The following PML variants were observed in gnomAD, a reference collection of about 807,000 sequenced individuals.
PML encodes protein PML.
In PML, 28 loss-of-function variants were observed where a neutral mutation model predicts 65.2. The ratio of observed to expected loss-of-function variants is 0.43; its 90% CI spans 0.32 to 0.59. PML has a LOEUF of 0.59. Among genes scored for constraint, PML ranks in the 20% least tolerant of loss-of-function variants. The pLI, the probability that PML is intolerant of heterozygous loss-of-function variation, is 0.08. For synonymous variants in PML, 500 were observed against 508.8 expected (o/e 0.98, Z 0.23); for missense variants, 1,021 against 1,203.4 (o/e 0.85, Z 2.24).
intron 4 of PML, among the ~76,000 whole-genome samples, chr15:74,029,946 AAAAG>A (rs1410589083): frequency 1.3e-5 from 2 of 152,196 alleles, no homozygotes; most frequent in South Asian, 4.1e-4. Flanking sequence ...GATTTGGAGA[AAAAG>A]AAAGGAAGGA....
At chr15:74,033,936 T>C (rs1379096007) in intron 6 of PML, 2 of 355,496 alleles carry the variant, frequency 5.6e-6, no homozygotes, top group Non-Finnish European at 1.0e-5. Flanking sequence ...CCCAGAGGAA[T>C]CTGGAACAAG....
At chr15:74,007,672 C>T (rs1262738154) in intron 2 of PML, among the ~76,000 whole-genome samples, 1 of 151,256 alleles carries the variant, frequency 6.6e-6, no homozygotes, top group Non-Finnish European at 1.5e-5. Flanking sequence ...GGGTGTCTGC[C>T]CTGGGGTGGC....
chr15:73,994,761 C>G lies in PML; in HGVS notation c.-52C>G, dbSNP rs553110202. 12 of 1,548,424 alleles carry G rather than the reference C, an allele frequency of 7.7e-6. No individual in the cohort carries two copies. In the East Asian group the frequency reaches 9.8e-5, roughly 13 times the overall value. ...CTGGCTCACGCCTCCCCTTCAGCTTCTCTTCACGCACTCCAAGATCTAAAC... is the reference window on the plus strand; with the variant it reads ...CTGGCTCACGCCTCCCCTTCAGCTTGTCTTCACGCACTCCAAGATCTAAAC... On this transcript the variant is annotated 5_prime_UTR_variant, in exon 1 of 9. Transcript: ENST00000268058.
chr15:74,005,346 C>T (rs550331815), intron 2 of PML, among the ~76,000 whole-genome samples: 5 of 152,214 alleles, frequency 3.3e-5, no homozygotes, highest in East Asian at 1.9e-4. Flanking sequence ...CCACTGCACC[C>T]GGCCCATTTG....
chr15:74,020,843 T>A (rs779702509), intron 2 of PML, among the ~76,000 whole-genome samples: 1 of 152,108 alleles, frequency 6.6e-6, no homozygotes, highest in Non-Finnish European at 1.5e-5. Flanking sequence ...ATCACAACAT[T>A]CCCACCTCTG....
chr15:73,995,404 A>C (rs2069432517), intron 1 of PML, among the ~76,000 whole-genome samples: 1 of 152,228 alleles, frequency 6.6e-6, no homozygotes, highest in South Asian at 2.1e-4. Flanking sequence ...CTCAGACTGA[A>C]GAGGTATCTT....
At chr15:73,998,953 G>A (rs2069635172) in intron 2 of PML, among the ~76,000 whole-genome samples, 1 of 152,158 alleles carries the variant, frequency 6.6e-6, no homozygotes, top group Non-Finnish European at 1.5e-5. Context: ...AGCGCTATCT[G>A]AGAATGTCTG....
intron 2 of PML, among the ~76,000 whole-genome samples, chr15:74,006,461 T>C (rs536575224): frequency 6.7e-5 from 10 of 150,002 alleles, no homozygotes; most frequent in African/African-American, 2.4e-4. Flanking sequence ...GGGTATCACA[T>C]CTAGCATGGG....
intron 6 of PML, chr15:74,033,828 T>C: frequency 1.9e-6 from 1 of 512,942 alleles, no homozygotes; most frequent in East Asian, 3.0e-5. Flanking sequence ...TCCCCAAGTG[T>C]TTCTGCAAAG....
At position 74,003,660 on chromosome 15, in the gene PML, T is replaced by C. The variant is rs977174911; in HGVS notation, c.602+5184T>C. Among the ~76,000 whole-genome samples the C allele has an allele frequency of 5.3e-5, 8 of 152,198 alleles. No individual in the cohort carries two copies. The East Asian group carries it at 1.3e-3, about 26-fold the overall frequency. ...TACTACCAAATTGTTAATTTTTTTT[T>C]CTTTTGTAAACATCCTTTCTGAACA... On this transcript the variant is annotated intron_variant, in intron 2 of 8. Transcript: ENST00000268058.
In PML at chr15:74,035,600, C is replaced by G. The variant is rs761419093; in HGVS notation, c.1710+1070C>G. ...CTGCCAATGCCCAGGAACATCCTGCCCAGCTGCAAAGGGGCATCAGCCCAC... is the reference window on the plus strand; with the variant it reads ...CTGCCAATGCCCAGGAACATCCTGCGCAGCTGCAAAGGGGCATCAGCCCAC... On this transcript the variant is annotated intron_variant, in intron 7 of 8. Coordinates refer to ENST00000268058, the MANE Select transcript of PML (RefSeq NM_033238.3). The surrounding 1 kb of genome is among the most constrained non-coding windows in gnomAD (Gnocchi z 4.1). 16 of 1,612,796 alleles carry G rather than the reference C, an allele frequency of 9.9e-6. No individual in the cohort carries two copies. The highest frequency in any genetic ancestry group is 1.4e-5 in the Non-Finnish European group (16 of 1,180,000).
In PML at chr15:74,035,335, ACCAGCCCGCTGAGCAGGCTG is replaced by A; in HGVS notation, c.1710+809_1710+828del. ...TACCACCCCCCAGCTTGGCCTCCCC[ACCAGCCCGCTGAGCAGGCTG>A]CCACCCCCGATGCTGAGCCTCACAG... On this transcript the variant is annotated intron_variant, in intron 7 of 8. Coordinates refer to ENST00000268058, the MANE Select transcript of PML (RefSeq NM_033238.3). This position sits in a 1 kb window ranked among gnomAD's most constrained non-coding sequence, Gnocchi z 4.1. The A allele has an allele frequency of 6.2e-7, 1 of 1,611,928 alleles. No individual in the cohort carries two copies. Among genetic ancestry groups the A allele is most frequent in the Non-Finnish European group, 8.5e-7 (1 of 1,179,792 alleles).
At chr15:73,998,878 G>A (rs2069629767) in intron 2 of PML, among the ~76,000 whole-genome samples, 1 of 152,112 alleles carries the variant, frequency 6.6e-6, no homozygotes, top group Non-Finnish European at 1.5e-5. Flanking sequence ...CAGTAAGGCT[G>A]GATTCTAGGA....
chr15:74,025,656 G>A (rs2071040526), intron 4 of PML: 1 of 152,668 alleles, frequency 6.6e-6, no homozygotes. Context: ...TCATTCTAGA[G>A]GCAGCTGCTC....
At chr15:74,001,533 G>A (rs1479252151) in intron 2 of PML, among the ~76,000 whole-genome samples, 3 of 151,906 alleles carry the variant, frequency 2.0e-5, no homozygotes, top group African/African-American at 7.2e-5. Flanking sequence ...TAGAGACGGG[G>A]TTTCCCCATG....
intron 3 of PML, among the ~76,000 whole-genome samples, chr15:74,023,947 C>T (rs531465666): frequency 3.3e-5 from 5 of 152,252 alleles, no homozygotes; most frequent in South Asian, 4.2e-4. Flanking sequence ...TAGTGTTGGA[C>T]GCTTGAGAGG....
chr15:74,010,587 A>G (rs1296164632), intron 2 of PML, among the ~76,000 whole-genome samples: 1 of 152,030 alleles, frequency 6.6e-6, no homozygotes, highest in Non-Finnish European at 1.5e-5. Context: ...ATTAAAAACT[A>G]TTAATAGAAC....
At chr15:74,038,031 C>T (rs1274448494) in intron 7 of PML, among the ~76,000 whole-genome samples, 4 of 152,134 alleles carry the variant, frequency 2.6e-5, no homozygotes, top group African/African-American at 9.7e-5. Context: ...CAAGCCAAGA[C>T]CCCATAGCCA....
rs750435184 is a variant in PML at position 74,023,350 on chromosome 15, C to G, written c.1125C>G (p.Gly375=). ...QSLQAAVRTD[G]FDEFKVRLQD... The stretch of plus-strand genomic sequence containing the variant: ...TGCAAGCTGCCGTGCGCACCGATGG[C>G]TTCGACGAGTTCAAGGTGCGCCTGC... Residue 375 remains glycine, a synonymous_variant, in exon 3 of 9, where the codon GGC becomes GGG. Transcript: ENST00000268058. The G allele has an allele frequency of 3.7e-6, 6 of 1,602,960 alleles. No individual in the cohort carries two copies. In the African/African-American group the frequency reaches 8.0e-5, roughly 21 times the overall value.
Sources: allele counts gnomAD v4.1 joint callset (sites outside exome capture counted in the v4.1 genomes callset), GRCh38; gene constraint gnomAD v4.1.1; non-coding constraint Gnocchi (gnomAD v3.1); transcripts MANE v1.5; gene names NCBI Gene and HGNC (gene_info 2026-07-23, HGNC 2026-07-21).